The following ABCB1 variants were observed in gnomAD, a reference collection of about 807,000 sequenced individuals.
ABCB1 encodes ATP binding cassette subfamily B member 1, also known as ATP-dependent translocase ABCB1.
In ABCB1, 69 loss-of-function variants were observed where a neutral mutation model predicts 142.0. That is an observed-to-expected ratio of 0.49 (90% CI 0.40 to 0.59). The LOEUF (loss-of-function observed/expected upper bound fraction) is 0.59, where lower values mean the gene tolerates loss of function less well. Among genes scored for constraint, ABCB1 ranks in the 20% least tolerant of loss-of-function variants. The pLI, the probability that ABCB1 is intolerant of heterozygous loss-of-function variation, is 0.00. For missense variants in ABCB1, 1,326 were observed against 1,554.7 expected (o/e 0.85, Z 2.47); for synonymous variants, 532 against 539.2 (o/e 0.99, Z 0.18).
chr7:87,661,279 TTTAG>T (rs960753350), intron 1 of ABCB1, among the ~76,000 whole-genome samples: 11 of 151,884 alleles, frequency 7.2e-5, no homozygotes, highest in African/African-American at 2.4e-4. Flanking sequence ...ATTATACTCT[TTTAG>T]TTATTTTTAA....
intron 1 of ABCB1, among the ~76,000 whole-genome samples, chr7:87,701,970 C>T (rs1385403759): frequency 6.6e-6 from 1 of 151,424 alleles, no homozygotes; most frequent in Non-Finnish European, 1.5e-5. Flanking sequence ...GGTGAAACCC[C>T]GTCTCTACTG....
intron 1 of ABCB1, among the ~76,000 whole-genome samples, chr7:87,661,838 A>G (rs1271552687): frequency 6.6e-6 from 1 of 152,116 alleles, no homozygotes; most frequent in Non-Finnish European, 1.5e-5. Flanking sequence ...ACTTTTCTCC[A>G]TAGTGGCTGT....
chr7:87,606,128 G>A (rs1160561303), intron 1 of ABCB1, among the ~76,000 whole-genome samples: 2 of 151,782 alleles, frequency 1.3e-5, no homozygotes, highest in Non-Finnish European at 1.5e-5. Flanking sequence ...AAATGGATAA[G>A]AAAAAATTCA....
chr7:87,506,566 T>C (rs1460157476), intron 26 of ABCB1, among the ~76,000 whole-genome samples: 1 of 152,226 alleles, frequency 6.6e-6, no homozygotes, highest in Non-Finnish European at 1.5e-5. Flanking sequence ...ATGGATTCCA[T>C]TTTGATATCT....
chr7:87,561,735 T>C (rs1316758020), intron 7 of ABCB1, among the ~76,000 whole-genome samples: 2 of 152,140 alleles, frequency 1.3e-5, no homozygotes, highest in Non-Finnish European at 2.9e-5. Context: ...CTTGTAATCC[T>C]AACATTTTAG....
chr7:87,575,680 A>G (rs1482336372), intron 4 of ABCB1, among the ~76,000 whole-genome samples: 6 of 152,156 alleles, frequency 3.9e-5, no homozygotes, highest in Admixed American at 3.3e-4. Context: ...GCCCAAACTG[A>G]AGGCTGTGAC....
At chr7:87,655,428 A>G (rs1823997934) in intron 1 of ABCB1, among the ~76,000 whole-genome samples, 1 of 152,152 alleles carries the variant, frequency 6.6e-6, no homozygotes, top group South Asian at 2.1e-4. Flanking sequence ...GACAACATGG[A>G]TGACCCAGGA....
intron 1 of ABCB1, among the ~76,000 whole-genome samples, chr7:87,641,805 G>A (rs754927186): frequency 4.9e-4 from 75 of 152,138 alleles, no homozygotes; most frequent in Non-Finnish European, 9.6e-4. Context: ...TCCAGTGATG[G>A]TGATTGTCTT....
intron 25 of ABCB1, among the ~76,000 whole-genome samples, chr7:87,514,071 C>G (rs1050100669): frequency 6.5e-4 from 99 of 152,322 alleles, no homozygotes; most frequent in African/African-American, 2.4e-3. Context: ...AAAGGCATAA[C>G]TGTCTTTGAA....
chr7:87,662,104 T>C (rs1456106595), intron 1 of ABCB1, among the ~76,000 whole-genome samples: 1 of 152,060 alleles, frequency 6.6e-6, no homozygotes, highest in African/African-American at 2.4e-5. Flanking sequence ...TAATTATTAG[T>C]TTTTTCCTGT....
At chr7:87,505,362 A>T (rs1814686821) in intron 27 of ABCB1, among the ~76,000 whole-genome samples, 1 of 152,178 alleles carries the variant, frequency 6.6e-6, no homozygotes, top group Non-Finnish European at 1.5e-5. Context: ...AGTTTCAAGG[A>T]TGTTACAACA....
chr7:87,689,527 G>A (rs1273378859), intron 1 of ABCB1, among the ~76,000 whole-genome samples: 1 of 150,896 alleles, frequency 6.6e-6, no homozygotes, highest in Non-Finnish European at 1.5e-5. Flanking sequence ...TATTACTTTA[G>A]CTAATATTGC....
intron 1 of ABCB1, among the ~76,000 whole-genome samples, chr7:87,655,196 G>C (rs531135303): frequency 1.2e-4 from 18 of 152,066 alleles, no homozygotes; most frequent in Non-Finnish European, 2.1e-4. Context: ...GAACCTCCAT[G>C]TAAACCAGCA....
chr7:87,708,799 G>A (rs543541174), intron 1 of ABCB1, among the ~76,000 whole-genome samples: 18 of 152,218 alleles, frequency 1.2e-4, no homozygotes, highest in Admixed American at 3.9e-4. Context: ...TGTGCATAAA[G>A]TAGGGATAGT....
intron 1 of ABCB1, among the ~76,000 whole-genome samples, chr7:87,651,789 T>C (rs1299455870): frequency 6.6e-6 from 1 of 152,084 alleles, no homozygotes; most frequent in African/African-American, 2.4e-5. Flanking sequence ...AGTGTTTAAA[T>C]GAGTTGAGCA....
chr7:87,690,895 G>A (rs1827950617), intron 1 of ABCB1, among the ~76,000 whole-genome samples: 2 of 151,616 alleles, frequency 1.3e-5, no homozygotes, highest in Non-Finnish European at 2.9e-5. Context: ...TTTATATAAA[G>A]GTATCTACCT....
intron 19 of ABCB1, among the ~76,000 whole-genome samples, chr7:87,538,606 T>C (rs750605782): frequency 6.6e-6 from 1 of 152,218 alleles, no homozygotes; most frequent in Non-Finnish European, 1.5e-5. Flanking sequence ...TTAGGTCACA[T>C]ACAAAATTTT....
chr7:87,624,758 T>C (rs960055656), intron 1 of ABCB1, among the ~76,000 whole-genome samples: 1 of 152,124 alleles, frequency 6.6e-6, no homozygotes, highest in African/African-American at 2.4e-5. Context: ...ATTAGTAATC[T>C]AGAGGGAGAA....
chr7:87,590,286 G>T (rs908547521), intron 3 of ABCB1, among the ~76,000 whole-genome samples: 4 of 152,166 alleles, frequency 2.6e-5, no homozygotes, highest in Non-Finnish European at 4.4e-5. Flanking sequence ...TATTTAAGTT[G>T]CTATGAAAGT....
Sources: allele counts gnomAD v4.1 joint callset (sites outside exome capture counted in the v4.1 genomes callset), GRCh38; gene constraint gnomAD v4.1.1; transcripts MANE v1.5; gene names NCBI Gene and HGNC (gene_info 2026-07-23, HGNC 2026-07-21).